FOXP2: variants seen among roughly 807,000 people sequenced by gnomAD.
The protein encoded by FOXP2 is forkhead box P2.
A neutral mutation model predicts 115.8 loss-of-function variants in FOXP2; 12 were observed. The ratio of observed to expected loss-of-function variants is 0.10; its 90% CI spans 0.07 to 0.17. The LOEUF (loss-of-function observed/expected upper bound fraction) is 0.17. Ranked by LOEUF, FOXP2 falls within the 10% of genes least tolerant of loss-of-function variation. The pLI, the probability that FOXP2 is intolerant of heterozygous loss-of-function variation, is 1.00. For missense variants in FOXP2, 629 were observed against 843.5 expected (o/e 0.75, Z 3.15); for synonymous variants, 328 against 297.7 (o/e 1.10, Z -1.05).
intron 2 of FOXP2, among the ~76,000 whole-genome samples, chr7:114,403,791 AC>A (rs376901608): frequency 4.3e-4 from 66 of 152,272 alleles, no homozygotes; most frequent in African/African-American, 1.5e-3. Flanking sequence ...TTATTGGGGA[AC>A]CCTCTCTAAA....
At position 114,612,944 on chromosome 7, in the gene FOXP2, G is replaced by T. The variant is rs186816179; in HGVS notation, c.259-15596G>T. 1.6e-3 allele frequency among the ~76,000 whole-genome samples: 249 copies of T among 152,246 alleles called. 1 individual carries two copies. Among genetic ancestry groups the T allele is most frequent in the Middle Eastern group, 3.4e-3 (1 of 294 alleles). ...CCCTGTCACCAACCTGACAGTGTCT[G>T]TTAGACATTACCATGGCACTAGGGT... On this transcript the variant is annotated intron_variant, in intron 3 of 16. Transcript: ENST00000350908.
intron 2 of FOXP2, among the ~76,000 whole-genome samples, chr7:114,386,171 CA>C (rs2129193078): frequency 6.6e-6 from 1 of 152,236 alleles, no homozygotes; most frequent in Non-Finnish European, 1.5e-5. Context: ...TGGCAAACAG[CA>C]GTGGTGGATG....
At chr7:114,570,633 T>C (rs1344290432) in intron 3 of FOXP2, among the ~76,000 whole-genome samples, 1 of 151,910 alleles carries the variant, frequency 6.6e-6, no homozygotes, top group Non-Finnish European at 1.5e-5. Flanking sequence ...ATTATTTCTA[T>C]TTTTAAAATC....
At chr7:114,565,818 G>T (rs1800993408) in intron 3 of FOXP2, among the ~76,000 whole-genome samples, 1 of 152,136 alleles carries the variant, frequency 6.6e-6, no homozygotes. Context: ...CACTTACTTA[G>T]ATTTGGTCCT....
intron 2 of FOXP2, among the ~76,000 whole-genome samples, chr7:114,334,106 T>C (rs1476951979): frequency 6.6e-6 from 1 of 152,184 alleles, no homozygotes; most frequent in African/African-American, 2.4e-5. Context: ...TAGTTTAAGA[T>C]GCTTCTTTAG....
Position 114,691,414 on chromosome 7 carries a change from A to C in FOXP2, c.*1488A>C, listed in dbSNP as rs1808661379. 2 of 453,924 alleles carry C rather than the reference A, an allele frequency of 4.4e-6. No individual in the cohort carries two copies. The highest frequency in any genetic ancestry group is 2.4e-5 in the Admixed American group (1 of 42,530). 28.1% of individuals were successfully genotyped at this position (453,924 alleles called of 1,614,324 possible). ...TAGTCCATGGTATTTATTTTCAGTC[A>C]AACCAAAGTTACATATAATTCTGCC... On this transcript the variant is annotated 3_prime_UTR_variant, in exon 17 of 17. Coordinates refer to ENST00000350908, the MANE Select transcript of FOXP2 (RefSeq NM_014491.4).
chr7:114,364,557 A>G (rs1401099553), intron 2 of FOXP2, among the ~76,000 whole-genome samples: 1 of 152,234 alleles, frequency 6.6e-6, no homozygotes, highest in Non-Finnish European at 1.5e-5. Context: ...TACTTTCAGA[A>G]AATCCCACTT....
chr7:114,395,572 G>C (rs1006816502), intron 2 of FOXP2, among the ~76,000 whole-genome samples: 8 of 152,062 alleles, frequency 5.3e-5, no homozygotes, highest in African/African-American at 1.7e-4. Flanking sequence ...ATGTGTAAGA[G>C]AGCCTCATAC....
intron 1 of FOXP2, among the ~76,000 whole-genome samples, chr7:114,416,798 C>T (rs1029280791): frequency 6.6e-6 from 1 of 151,872 alleles, no homozygotes. Context: ...TGTTGGTTTT[C>T]ACGGAAAGCA....
At chr7:114,283,161 C>A (rs1349806372) in intron 1 of FOXP2, among the ~76,000 whole-genome samples, 1 of 152,140 alleles carries the variant, frequency 6.6e-6, no homozygotes, top group African/African-American at 2.4e-5. Context: ...CATAGCCAAT[C>A]AACAATTATC....
At chr7:114,557,696 T>C (rs892159297) in intron 3 of FOXP2, among the ~76,000 whole-genome samples, 9 of 152,198 alleles carry the variant, frequency 5.9e-5, no homozygotes, top group Non-Finnish European at 1.0e-4. Flanking sequence ...TTTGTATCTC[T>C]AATGGCAATG....
intron 2 of FOXP2, among the ~76,000 whole-genome samples, chr7:114,327,735 C>A (rs111291478): frequency 6.6e-6 from 1 of 151,752 alleles, no homozygotes; most frequent in African/African-American, 2.4e-5. Context: ...CTCCTGACCT[C>A]GTGATCTGCC....
At chr7:114,476,606 C>T (rs1796276535) in intron 2 of FOXP2, among the ~76,000 whole-genome samples, 1 of 151,576 alleles carries the variant, frequency 6.6e-6, no homozygotes, top group African/African-American at 2.4e-5. Context: ...TATTCAGGCT[C>T]TTTTTTTGGT....
At chr7:114,406,314 C>G (rs2030915) in intron 2 of FOXP2, among the ~76,000 whole-genome samples, 55,603 of 151,704 alleles carry the variant, frequency 0.37, 11,754 homozygotes, top group East Asian at 0.63. Flanking sequence ...TTCCAGTATA[C>G]TAATTTTGTT....
intron 1 of FOXP2, among the ~76,000 whole-genome samples, chr7:114,201,676 T>A (rs1794071412): frequency 6.6e-6 from 1 of 152,178 alleles, no homozygotes; most frequent in African/African-American, 2.4e-5. Context: ...AACCAAATCA[T>A]ACGCTTGATA....
chr7:114,514,565 T>A (rs1289468839), intron 2 of FOXP2, among the ~76,000 whole-genome samples: 1 of 152,078 alleles, frequency 6.6e-6, no homozygotes, highest in Non-Finnish European at 1.5e-5. Flanking sequence ...GCTTCATCCA[T>A]GTTGTCACAA....
intron 1 of FOXP2, among the ~76,000 whole-genome samples, chr7:114,249,074 A>G (rs1213339998): frequency 6.6e-6 from 1 of 152,214 alleles, no homozygotes; most frequent in Admixed American, 6.5e-5. Context: ...GTGTTTCATT[A>G]TATGTATAGA....
At chr7:114,506,159 A>T (rs1673820215) in intron 2 of FOXP2, among the ~76,000 whole-genome samples, 1 of 151,702 alleles carries the variant, frequency 6.6e-6, no homozygotes, top group Non-Finnish European at 1.5e-5. Context: ...AACAGTAATG[A>T]TTATTGTTTA....
intron 1 of FOXP2, among the ~76,000 whole-genome samples, chr7:114,105,738 G>A (rs1033638231): frequency 2.0e-5 from 3 of 151,988 alleles, no homozygotes; most frequent in Non-Finnish European, 4.4e-5. Context: ...TTGAGCATGA[G>A]TTCTAATTTT....
Sources: gnomAD v4.1 joint callset for allele counts (sites outside exome capture counted in the v4.1 genomes callset) on GRCh38, gnomAD v4.1.1 for gene constraint, MANE v1.5 for transcripts, NCBI Gene and HGNC (gene_info 2026-07-23, HGNC 2026-07-21) for gene names.